The following PKHD1L1 variants were observed in gnomAD, a reference collection of about 807,000 sequenced individuals.
PKHD1L1 encodes the protein fibrocystin-L.
In PKHD1L1, 434 loss-of-function variants were observed where a neutral mutation model predicts 462.9. The observed-to-expected ratio is 0.94, with a 90% confidence interval of 0.87 to 1.02. The LOEUF is 1.02. Among genes scored for constraint, PKHD1L1 ranks in the 50% least tolerant of loss-of-function variants. The pLI is 0.00. For missense variants in PKHD1L1, 5,202 were observed against 5,096.1 expected (o/e 1.02, Z -0.63); for synonymous variants, 1,781 against 1,750.0 (o/e 1.02, Z -0.44).
intron 21 of PKHD1L1, among the ~76,000 whole-genome samples, chr8:109,417,549 C>T (rs981820105): frequency 5.9e-5 from 9 of 151,912 alleles, no homozygotes; most frequent in African/African-American, 2.2e-4. Flanking sequence ...ACAGGTATTT[C>T]TTTTTTTCTT....
rs1813900346 is a variant in PKHD1L1 at position 109,412,327 on chromosome 8, G to A, written c.2148G>A (p.Leu716=). The A allele has an allele frequency of 1.2e-6, 2 of 1,613,768 alleles. No homozygotes were observed. Among genetic ancestry groups the A allele is most frequent in the Non-Finnish European group, 8.5e-7 (1 of 1,179,758 alleles). The change falls in exon 20 of 78, where the codon CTG becomes CTA. Residue 716 remains leucine, a synonymous_variant. Coordinates refer to ENST00000378402, the MANE Select transcript of PKHD1L1 (RefSeq NM_177531.6). ...ETDAYCGRYS[L]KNPAVLFDSA... The stretch of plus-strand genomic sequence containing the variant: ...ATGCTTACTGTGGTCGTTATTCCCT[G>A]AAAAACCCAGCTGTTCTTTTTGACT...
chr8:109,414,411 G>A (rs754181340), intron 21 of PKHD1L1, among the ~76,000 whole-genome samples: 1 of 151,988 alleles, frequency 6.6e-6, no homozygotes, highest in Non-Finnish European at 1.5e-5. Context: ...CTCTACAATT[G>A]TAGAAGTTTT....
Position 109,465,254 on chromosome 8 carries a change from A to AT in PKHD1L1, c.8413+15dup. ...TGATGGCTCACTTACAGGTAATGTT[A>AT]TTTTTTAATTTGTGATAAAAATCCA... On this transcript the variant is annotated intron_variant, in intron 49 of 77. Transcript: ENST00000378402. 3.1e-6 allele frequency: 5 copies of AT among 1,600,936 alleles called. No homozygotes were observed. Among genetic ancestry groups the AT allele is most frequent in the Middle Eastern group, 1.7e-4 (1 of 5,972 alleles).
chr8:109,410,400 G>A (rs1409592987), intron 19 of PKHD1L1, among the ~76,000 whole-genome samples: 1 of 152,106 alleles, frequency 6.6e-6, no homozygotes, highest in African/African-American at 2.4e-5. Context: ...ATCTTGGAAG[G>A]CCTTGGGAAA....
chr8:109,443,626 T>C, intron 36 of PKHD1L1, 50 bp from the exon 37 acceptor site: 2 of 1,365,696 alleles, frequency 1.5e-6, no homozygotes, highest in Non-Finnish European at 2.0e-6. Flanking sequence ...AAAACAGTTA[T>C]CATTTTGGAA....
intron 68 of PKHD1L1, 148 bp from the exon 69 acceptor site, chr8:109,507,515 T>G (rs1254184524): frequency 3.1e-6 from 2 of 651,540 alleles, no homozygotes; most frequent in Non-Finnish European, 5.3e-6. Context: ...TAATGCAAAT[T>G]ACATAGGCTA....
At chr8:109,402,350 T>C (rs1813314820) in intron 14 of PKHD1L1, among the ~76,000 whole-genome samples, 3 of 152,204 alleles carry the variant, frequency 2.0e-5, no homozygotes, top group Admixed American at 2.0e-4. Flanking sequence ...GCTGAGCGGT[T>C]CTTTTAGTCC....
chr8:109,531,148 A>G lies in PKHD1L1; in HGVS notation c.*1058A>G, dbSNP rs933209616. ...CATTTGGGACAGCTGAGAGAATTCA[A>G]CAAAGCCCATACCGTTGTCTCTTGT... On this transcript the variant is annotated 3_prime_UTR_variant, in exon 78 of 78. Transcript: ENST00000378402. 6.6e-6 allele frequency among the ~76,000 whole-genome samples: 1 copy of G among 152,178 alleles called. No homozygotes were observed. Among genetic ancestry groups the G allele is most frequent in the African/African-American group, 2.4e-5 (1 of 41,446 alleles).
Position 109,526,949 on chromosome 8 carries a change from G to A in PKHD1L1, c.12650G>A (p.Ser4217Asn), listed in dbSNP as rs764478402. The A allele has an allele frequency of 6.2e-7, 1 of 1,613,774 alleles. No homozygotes were observed. The highest frequency in any genetic ancestry group is 2.2e-5 in the East Asian group (1 of 44,882). The change falls in exon 77 of 78, where the codon AGC becomes AAC. Residue 4217 changes from serine (S) to asparagine (N), a missense_variant. Around this residue, in one of 3 missense-constraint regions of PKHD1L1, gnomAD observed 698 missense variants for 736.3 expected, o/e 0.95. Coordinates refer to ENST00000378402, the MANE Select transcript of PKHD1L1 (RefSeq NM_177531.6). The part of the protein sequence containing the change: ...TYAQIMTVVI[S>N]CLVGRMWLLE... Reference sequence around the variant, plus strand: ...GCCCAGATAATGACTGTAGTAATTAGCTGTCTGGTTGGAAGAATGTGGCTC... The same window carrying A: ...GCCCAGATAATGACTGTAGTAATTAACTGTCTGGTTGGAAGAATGTGGCTC...
chr8:109,476,410 C>G, intron 51 of PKHD1L1, 98 bp from the exon 52 acceptor site: 1 of 837,248 alleles, frequency 1.2e-6, no homozygotes, highest in East Asian at 3.2e-5. Flanking sequence ...ACTTTTAAAT[C>G]TTAACATAAT....
At chr8:109,420,390 A>AT in intron 22 of PKHD1L1, 128 bp from the exon 23 acceptor site, 1 of 539,892 alleles carries the variant, frequency 1.9e-6, no homozygotes, top group African/African-American at 2.0e-5. Context: ...CAATGTTGAT[A>AT]TTATTTGATG....
chr8:109,370,150 G>A (rs1024491631), intron 2 of PKHD1L1, among the ~76,000 whole-genome samples: 7 of 151,930 alleles, frequency 4.6e-5, no homozygotes, highest in Non-Finnish European at 1.0e-4. Context: ...ATGGAGTCTC[G>A]CTCTGTCGCC....
Position 109,464,494 on chromosome 8 carries a change from T to C in PKHD1L1, c.7662T>C (p.Asn2554=), listed in dbSNP as rs559394671. The change falls in exon 49 of 78, where the codon AAT becomes AAC. Residue 2554 remains asparagine (N), a synonymous_variant. Transcript: ENST00000378402. The stretch of plus-strand genomic sequence containing the variant: ...TACAGCAAAGTACCAGTCTTCTGAA[T>C]GATGATGTGACCCCGGCTGCATTTT... ...VFVQQSTSLL[N]DDVTPAAFWV... is the part of the protein sequence containing the mutation. 61 of 1,613,772 alleles carry C rather than the reference T, an allele frequency of 3.8e-5. 1 individual carries two copies. The South Asian group carries it at 6.6e-4, about 17-fold the overall frequency.
intron 2 of PKHD1L1, among the ~76,000 whole-genome samples, chr8:109,378,574 A>C (rs1811953252): frequency 6.6e-6 from 1 of 152,202 alleles, no homozygotes; most frequent in Non-Finnish European, 1.5e-5. Flanking sequence ...TCTATAATAC[A>C]TACATCCTGT....
Position 109,438,432 on chromosome 8 carries a change from A to G in PKHD1L1, c.3736A>G (p.Ser1246Gly). Residue 1246 changes from serine (S) to glycine (G), a missense_variant, in exon 31 of 78, where the codon AGT (serine) becomes GGT (glycine). Physicochemically the swap from Ser to Gly is moderately conservative, Grantham distance 56. Transcript: ENST00000378402. Reference protein sequence around the residue: ...CLQTPIITDFSPKVRTILGEV... With the variant: ...CLQTPIITDFGPKVRTILGEV... ...ACAGACACCAATTATAACTGATTTT[A>G]GTCCAAAAGTACGAACAATACTAGG... 6.5e-7 allele frequency: 1 copy of G among 1,540,844 alleles called. No homozygotes were observed. The highest frequency in any genetic ancestry group is 1.7e-4 in the Middle Eastern group (1 of 5,740).
At chr8:109,488,507 G>C (rs1249886956) in intron 59 of PKHD1L1, among the ~76,000 whole-genome samples, 1 of 151,930 alleles carries the variant, frequency 6.6e-6, no homozygotes, top group Non-Finnish European at 1.5e-5. Context: ...GTTCCTCCAA[G>C]TAATTCTGGT....
intron 61 of PKHD1L1, among the ~76,000 whole-genome samples, chr8:109,491,537 T>C (rs1389726095): frequency 6.6e-6 from 1 of 151,888 alleles, no homozygotes; most frequent in Non-Finnish European, 1.5e-5. Flanking sequence ...TTTAGGCATA[T>C]TATATTTATT....
chr8:109,475,242 A>G lies in PKHD1L1; in HGVS notation c.8730A>G (p.Ser2910=). The change falls in exon 51 of 78, where the codon TCA becomes TCG. Residue 2910 remains serine, a synonymous_variant. Coordinates refer to ENST00000378402, the MANE Select transcript of PKHD1L1 (RefSeq NM_177531.6). ...FKGVDHITNI[S]YTSTFYGFKE... ...GTGTGGATCACATAACCAACATTTC[A>G]TATACATCGACATTCTATGGATTCA... is the stretch of plus-strand genomic sequence containing the variant. 3 of 1,608,652 alleles carry G rather than the reference A, an allele frequency of 1.9e-6. No individual in the cohort carries two copies. The highest frequency in any genetic ancestry group is 2.5e-6 in the Non-Finnish European group (3 of 1,176,804).
intron 63 of PKHD1L1, 33 bp from the exon 64 acceptor site, chr8:109,496,886 T>C: frequency 2.5e-6 from 4 of 1,578,328 alleles, no homozygotes; most frequent in Non-Finnish European, 2.6e-6. Context: ...TGAAATGTAG[T>C]GTTCATTCTC....
Sources: allele counts gnomAD v4.1 joint callset (sites outside exome capture counted in the v4.1 genomes callset), GRCh38; gene constraint gnomAD v4.1.1; regional missense constraint gnomAD v4.1.1; transcripts MANE v1.5; gene names NCBI Gene and HGNC (gene_info 2026-07-23, HGNC 2026-07-21).